Variants in CCDC171 observed in about 807,000 individuals in gnomAD.
CCDC171 encodes coiled-coil domain-containing protein 171.
CCDC171 carries 177 observed loss-of-function variants against 168.2 expected under a neutral mutation model. The observed-to-expected ratio is 1.05, with a 90% CI of 0.93 to 1.19. CCDC171 has a LOEUF of 1.19. Among genes scored for constraint, CCDC171 ranks in the 50% most tolerant of loss-of-function variants. CCDC171 has a pLI of 0.00. For missense variants in CCDC171, 1,991 were observed against 1,539.0 expected (o/e 1.29, Z -4.91); for synonymous variants, 687 against 540.8 (o/e 1.27, Z -3.75).
chr9:15,778,370 G>A (rs886284644), intron 19 of CCDC171, among the ~76,000 whole-genome samples: 4 of 144,480 alleles, frequency 2.8e-5, no homozygotes, highest in African/African-American at 7.6e-5. Context: ...CAGGCGCGGT[G>A]GCTGATGCCT....
Position 15,855,220 on chromosome 9 carries a change from G to A in CCDC171, c.3468+6273G>A, listed in dbSNP as rs138424130. ...TTGAACTCTTTTTCCTCTTCAACTT[G>A]GTCAGTTTTGCTTCATATATTTTGA... On this transcript the variant is annotated intron_variant, in intron 23 of 25. Transcript: ENST00000380701. Among the ~76,000 whole-genome samples the A allele has an allele frequency of 5.9e-4, 89 of 151,616 alleles. 1 individual carries two copies. In the East Asian group the frequency reaches 0.016, roughly 27 times the overall value.
chr9:15,614,470 G>A (rs1206749321), intron 6 of CCDC171, among the ~76,000 whole-genome samples: 1 of 152,152 alleles, frequency 6.6e-6, no homozygotes, highest in Admixed American at 6.5e-5. Flanking sequence ...CTGAATAAAT[G>A]CTTTTTGGAT....
chr9:15,881,808 T>C (rs79349830), intron 24 of CCDC171, among the ~76,000 whole-genome samples: 1,827 of 152,338 alleles, frequency 0.012, 41 homozygotes, highest in African/African-American at 0.041. Context: ...TCATTCCTAA[T>C]TCATTGTGTA....
the CCDC171 span, among the ~76,000 whole-genome samples, chr9:16,068,706 A>G: frequency 6.6e-6 from 1 of 152,018 alleles, no homozygotes; most frequent in African/African-American, 2.4e-5. Context: ...TCAACATTGT[A>G]CAGAGATTCC....
rs373521515 is a variant in CCDC171, at chr9:15,994,423, C to G, written n.369-26166C>G. Reference sequence around the variant, plus strand: ...GACACAGGAAGGGGAACATCACACACCAGGCCTGTCATGGGGTGGAGGGAG... The same window carrying G: ...GACACAGGAAGGGGAACATCACACAGCAGGCCTGTCATGGGGTGGAGGGAG... On this transcript the variant is annotated intron_variant and non_coding_transcript_variant, in intron 3 of 9. Transcript: ENST00000486641. 9.2e-5 allele frequency among the ~76,000 whole-genome samples: 14 copies of G among 152,216 alleles called. No homozygotes were observed. In the East Asian group the frequency reaches 1.5e-3, roughly 17 times the overall value.
At chr9:15,587,595 T>A (rs974281714) in intron 4 of CCDC171, 31 of 456,302 alleles carry the variant, frequency 6.8e-5, no homozygotes, top group Non-Finnish European at 1.1e-4. Flanking sequence ...AACCTAATGA[T>A]ACTGATGTTG....
At chr9:15,995,983 C>T (rs991265488) in intron 3 of CCDC171, among the ~76,000 whole-genome samples, 15 of 152,124 alleles carry the variant, frequency 9.9e-5, no homozygotes, top group Non-Finnish European at 1.6e-4. Context: ...CATAAAACCC[C>T]AGTAGTTTAT....
At chr9:15,685,633 T>C (rs1026384340) in intron 10 of CCDC171, among the ~76,000 whole-genome samples, 12 of 151,138 alleles carry the variant, frequency 7.9e-5, no homozygotes, top group Non-Finnish European at 1.6e-4. Context: ...AGACCCTGTC[T>C]CAAAAAAAAA....
chr9:15,961,461 A>G (rs944976771), intron 25 of CCDC171, among the ~76,000 whole-genome samples: 6 of 152,210 alleles, frequency 3.9e-5, no homozygotes, highest in African/African-American at 1.4e-4. Context: ...GCCACTCTGC[A>G]TAAGGAGTTG....
At chr9:15,940,828 C>T (rs1284336135) in intron 25 of CCDC171, among the ~76,000 whole-genome samples, 1 of 151,802 alleles carries the variant, frequency 6.6e-6, no homozygotes, top group African/African-American at 2.4e-5. Context: ...TCAAGAACAA[C>T]CAAGGGCAAC....
intron 8 of CCDC171, 102 bp from the exon 9 acceptor site, chr9:15,666,061 T>C: frequency 1.0e-6 from 1 of 1,000,290 alleles, no homozygotes; most frequent in South Asian, 1.7e-5. Flanking sequence ...AAAGAAGTGC[T>C]TGGATGAATG....
intron 21 of CCDC171, among the ~76,000 whole-genome samples, chr9:15,799,181 A>G (rs2058703628): frequency 8.4e-6 from 1 of 118,804 alleles, no homozygotes; most frequent in East Asian, 2.7e-4. Flanking sequence ...TTTGATGCAC[A>G]CTTCCTTTAT....
chr9:15,916,506 A>T (rs115813332), intron 24 of CCDC171, among the ~76,000 whole-genome samples: 1,657 of 152,196 alleles, frequency 0.011, 31 homozygotes, highest in African/African-American at 0.038. Context: ...AAATGTAGAT[A>T]AAATATTTGA....
At chr9:15,581,504 G>A (rs573699024) in intron 4 of CCDC171, among the ~76,000 whole-genome samples, 1 of 152,128 alleles carries the variant, frequency 6.6e-6, no homozygotes, top group Non-Finnish European at 1.5e-5. Flanking sequence ...CAAAGCTGGA[G>A]GTATCACGCT....
chr9:15,805,000 G>C lies in CCDC171; in HGVS notation c.3267+20306G>C, dbSNP rs1158405385. Among the ~76,000 whole-genome samples, 3 of 152,014 alleles carry C rather than the reference G, an allele frequency of 2.0e-5. No homozygotes were observed. In the East Asian group the frequency reaches 5.8e-4, roughly 29 times the overall value. ...AGTCTTGGGAGGGTATATGTGTCAA[G>C]GAATTTATCCATTTCTTCTAGATTT... On this transcript the variant is annotated intron_variant, in intron 21 of 25. Coordinates refer to ENST00000380701, the MANE Select transcript of CCDC171 (RefSeq NM_173550.4).
At chr9:16,061,057 T>C (rs1833925424) in exon 2 of CCDC171, 1 of 152,224 alleles carries the variant, frequency 6.6e-6, no homozygotes, top group Non-Finnish European at 1.5e-5. Context: ...CAAATGTATC[T>C]TTCTGCAGGA....
chr9:16,021,320 T>C (rs1833157195), intron 4 of CCDC171, among the ~76,000 whole-genome samples: 1 of 152,196 alleles, frequency 6.6e-6, no homozygotes, highest in African/African-American at 2.4e-5. Flanking sequence ...TCTCTTGACC[T>C]CGTGATCCAC....
At chr9:15,717,596 T>C (rs1220690944) in intron 11 of CCDC171, among the ~76,000 whole-genome samples, 13 of 152,090 alleles carry the variant, frequency 8.5e-5, no homozygotes, top group African/African-American at 3.1e-4. Context: ...GCTTAAGAGG[T>C]GAGGGAAGAG....
rs545935995 is a variant in CCDC171 at position 15,655,741 on chromosome 9, G to C, written c.823-1386G>C. On this transcript the variant is annotated intron_variant, in intron 7 of 25. Transcript: ENST00000380701. The stretch of plus-strand genomic sequence containing the variant: ...AAATAAACAGCTCAATTAAAAAATG[G>C]TGAAAATATTTGAACATATACTTCT... Among the ~76,000 whole-genome samples the C allele has an allele frequency of 3.3e-5, 5 of 152,272 alleles. No homozygotes were observed. The East Asian group carries it at 9.6e-4, about 29-fold the overall frequency.
Sources: gnomAD v4.1 joint callset for allele counts (sites outside exome capture counted in the v4.1 genomes callset) on GRCh38, gnomAD v4.1.1 for gene constraint, MANE v1.5 for transcripts, NCBI Gene and HGNC (gene_info 2026-07-23, HGNC 2026-07-21) for gene names.